The following COQ8B variants were observed in gnomAD, a reference collection of about 807,000 sequenced individuals.
The protein encoded by COQ8B is coenzyme Q8B, also known as atypical kinase COQ8B, mitochondrial.
In COQ8B, 44 loss-of-function variants were observed where a neutral mutation model predicts 62.0. The ratio of observed to expected loss-of-function variants is 0.71; its 90% CI spans 0.56 to 0.91. The LOEUF (loss-of-function observed/expected upper bound fraction) is 0.91. Ranked by LOEUF, COQ8B falls within the 40% of genes least tolerant of loss-of-function variation. COQ8B has a pLI of 0.00. For missense variants in COQ8B, 649 were observed against 731.6 expected (o/e 0.89, Z 1.30); for synonymous variants, 252 against 289.9 (o/e 0.87, Z 1.33).
intron 4 of COQ8B, among the ~76,000 whole-genome samples, chr19:40,710,520 G>A (rs2082132818): frequency 6.6e-6 from 1 of 152,144 alleles, no homozygotes; most frequent in South Asian, 2.1e-4. Flanking sequence ...AAAGTGCTGG[G>A]ATTATAGGCA....
At chr19:40,699,396 C>T (rs898456502) in intron 12 of COQ8B, among the ~76,000 whole-genome samples, 2 of 151,934 alleles carry the variant, frequency 1.3e-5, no homozygotes, top group Non-Finnish European at 2.9e-5. Context: ...GCCTGTGCCT[C>T]CCCCATCCCG....
At chr19:40,701,929 T>C (rs1253442617) in intron 10 of COQ8B, among the ~76,000 whole-genome samples, 1 of 152,232 alleles carries the variant, frequency 6.6e-6, no homozygotes, top group East Asian at 1.9e-4. Context: ...AACCACATTG[T>C]TCCACGTAGC....
At chr19:40,710,200 T>A in intron 4 of COQ8B, 64 bp from the exon 5 acceptor site, 2 of 1,444,122 alleles carry the variant, frequency 1.4e-6, no homozygotes, top group Non-Finnish European at 1.9e-6. Flanking sequence ...TAACCCACTC[T>A]CCTTTCTCAG....
intron 10 of COQ8B, 150 bp from the exon 11 acceptor site, chr19:40,700,601 G>C: frequency 1.0e-6 from 1 of 960,978 alleles, no homozygotes; most frequent in Non-Finnish European, 1.5e-6. Context: ...TCTGCCCTGG[G>C]TGATGACCAA....
At position 40,714,134 on chromosome 19, in the gene COQ8B, C is replaced by G. The variant is rs1305311930; in HGVS notation, c.223-1G>C. ...TGCGTTCTCGAGAGCGGTCACTCAG[C>G]TGGGAAATGGGGACAAGGTCTGAGG... On this transcript the variant is annotated splice_acceptor_variant, in intron 3 of 14. Transcript: ENST00000324464. LOFTEE classifies it high-confidence loss of function. The G allele has an allele frequency of 1.2e-6, 2 of 1,614,054 alleles. No individual in the cohort carries two copies. The highest frequency in any genetic ancestry group is 2.7e-5 in the African/African-American group (2 of 74,910).
At chr19:40,697,268 C>T (rs1286958988) in intron 12 of COQ8B, among the ~76,000 whole-genome samples, 1 of 152,102 alleles carries the variant, frequency 6.6e-6, no homozygotes, top group Non-Finnish European at 1.5e-5. Context: ...CACCCCACCA[C>T]ACCTGGCTAA....
At chr19:40,703,916 T>C in intron 7 of COQ8B, 61 bp from the exon 8 acceptor site, 1 of 1,543,478 alleles carries the variant, frequency 6.5e-7, no homozygotes. Context: ...GGCTGAGTGC[T>C]TTACGTGTTG....
In COQ8B at chr19:40,714,268, GT is replaced by G. The variant is rs2082167143; in HGVS notation, c.222+9del. ...GTGGGGTGTTGCTGGGTGGGTGGGG[GT>G]AATGATACCTGGGGCCGGGGTGTCT... On this transcript the variant is annotated intron_variant, in intron 3 of 14. Transcript: ENST00000324464. 2 of 1,610,000 alleles carry G rather than the reference GT, an allele frequency of 1.2e-6. No individual in the cohort carries two copies. Among genetic ancestry groups the G allele is most frequent in the Non-Finnish European group, 1.7e-6 (2 of 1,177,860 alleles).
chr19:40,696,501 C>A (rs1433010587), intron 12 of COQ8B, among the ~76,000 whole-genome samples: 1 of 151,992 alleles, frequency 6.6e-6, no homozygotes, highest in African/African-American at 2.4e-5. Flanking sequence ...CCCGTCTCTA[C>A]TAAAAATACA....
At chr19:40,715,088 G>A in intron 1 of COQ8B, 2 of 988,774 alleles carry the variant, frequency 2.0e-6, no homozygotes, top group African/African-American at 1.7e-5. Flanking sequence ...CAACCTGCTG[G>A]GGCCCTCCTG....
At chr19:40,701,965 C>G (rs76274249) in intron 10 of COQ8B, among the ~76,000 whole-genome samples, 1 of 152,180 alleles carries the variant, frequency 6.6e-6, no homozygotes, top group Non-Finnish European at 1.5e-5. Context: ...TTCACTGCTA[C>G]GTAATATTCC....
intron 10 of COQ8B, 134 bp from the exon 11 acceptor site, chr19:40,700,585 C>T (rs2082053661): frequency 8.9e-7 from 1 of 1,129,520 alleles, no homozygotes; most frequent in Non-Finnish European, 1.2e-6. Context: ...CCATCTCTTG[C>T]TGCTGTCTGC....
Position 40,710,072 on chromosome 19 carries a change from A to C in COQ8B, c.354T>G (p.Gly118=), listed in dbSNP as rs1367934612. ...AEMAKKSMPG[G]RLQSEGGSGL... Reference sequence around the variant, plus strand: ...TGGCTCACTCACCTGACTGCAGACGACCTCCTGGCATGGACTTCTTAGCCA... The same window carrying C: ...TGGCTCACTCACCTGACTGCAGACGCCCTCCTGGCATGGACTTCTTAGCCA... The change falls in exon 5 of 15, where the codon GGT becomes GGG. Residue 118 remains glycine (G), a synonymous_variant. Coordinates refer to ENST00000324464, the MANE Select transcript of COQ8B (RefSeq NM_024876.4). The C allele has an allele frequency of 6.2e-7, 1 of 1,613,600 alleles. No homozygotes were observed. Among genetic ancestry groups the C allele is most frequent in the South Asian group, 1.1e-5 (1 of 91,070 alleles).
chr19:40,697,597 G>C (rs567130107), intron 12 of COQ8B, among the ~76,000 whole-genome samples: 1 of 151,836 alleles, frequency 6.6e-6, no homozygotes, highest in South Asian at 2.1e-4. Context: ...AGGAGTTCAA[G>C]ATCAGACTGG....
At chr19:40,701,756 G>A (rs1326377535) in intron 10 of COQ8B, among the ~76,000 whole-genome samples, 1 of 152,178 alleles carries the variant, frequency 6.6e-6, no homozygotes, top group Non-Finnish European at 1.5e-5. Context: ...TCCCGCATCT[G>A]AGTCTAGGGT....
chr19:40,715,628 C>CCCCCCCACTT, intron 1 of COQ8B: 1 of 984,698 alleles, frequency 1.0e-6, no homozygotes, highest in Non-Finnish European at 1.2e-6. Context: ...TCAACTCTCT[C>CCCCCCCACTT]GTGTACATAC....
intron 9 of COQ8B, 63 bp from the exon 10 acceptor site, chr19:40,702,756 T>C (rs2082070343): frequency 1.4e-6 from 2 of 1,475,738 alleles, no homozygotes. Flanking sequence ...TGCCTTCTCC[T>C]GCCAACCCTC....
rs17851001 is a variant in COQ8B, at chr19:40,692,305, A to G, written c.1365T>C (p.Tyr455=). ...LGEPFATQGP[Y]DFGSGETARR... ...GGGCCGTTTCCCCCGACCCAAAGTC[A>G]TAAGGGCCCTGGGTGGCGAAAGGCT... Residue 455 remains tyrosine, a synonymous_variant, in exon 15 of 15, where the codon TAT becomes TAC. Coordinates refer to ENST00000324464, the MANE Select transcript of COQ8B (RefSeq NM_024876.4). The G allele has an allele frequency of 2.3e-3, 3,789 of 1,613,738 alleles. 87 individuals are homozygous for G. In the African/African-American group the frequency reaches 0.044, roughly 19 times the overall value.
intron 13 of COQ8B, among the ~76,000 whole-genome samples, chr19:40,694,300 C>T (rs1157635244): frequency 6.6e-6 from 1 of 152,180 alleles, no homozygotes; most frequent in Non-Finnish European, 1.5e-5. Flanking sequence ...CCCTGAGCTC[C>T]CACCCCCAGG....
Sources: gnomAD v4.1 joint callset for allele counts (sites outside exome capture counted in the v4.1 genomes callset) on GRCh38, gnomAD v4.1.1 for gene constraint, MANE v1.5 for transcripts, NCBI Gene and HGNC (gene_info 2026-07-23, HGNC 2026-07-21) for gene names.